Variants in ADGRG6 observed in about 807,000 individuals in gnomAD.
ADGRG6 encodes G-protein coupled receptor 126.
A neutral mutation model predicts 142.4 loss-of-function variants in ADGRG6; 84 were observed. The observed-to-expected ratio is 0.59, with a 90% CI of 0.49 to 0.71. The LOEUF (loss-of-function observed/expected upper bound fraction) is 0.71, where lower values mean the gene tolerates loss of function less well. Ranked by LOEUF, ADGRG6 falls within the 30% of genes least tolerant of loss-of-function variation. The pLI is 0.00. For synonymous variants in ADGRG6, 521 were observed against 520.5 expected (o/e 1.00, Z -0.01); for missense variants, 1,367 against 1,466.6 (o/e 0.93, Z 1.11).
chr6:142,327,072 A>T (rs554238801), intron 2 of ADGRG6, among the ~76,000 whole-genome samples: 6 of 152,180 alleles, frequency 3.9e-5, no homozygotes, highest in African/African-American at 1.4e-4. Flanking sequence ...CTAGTATTCC[A>T]TCTTGCTCCA....
intron 2 of ADGRG6, among the ~76,000 whole-genome samples, chr6:142,361,416 A>G (rs912578566): frequency 2.0e-5 from 3 of 152,128 alleles, no homozygotes; most frequent in African/African-American, 7.2e-5. Context: ...TCCTCCGGCC[A>G]AACAGAAAGG....
In ADGRG6 at chr6:142,416,031, C is replaced by T. The variant is rs753135960; in HGVS notation, c.2905C>T (p.Arg969Ter). 1.9e-6 allele frequency: 3 copies of T among 1,612,588 alleles called. No individual in the cohort carries two copies. Among genetic ancestry groups the T allele is most frequent in the South Asian group, 1.1e-5 (1 of 91,010 alleles). The change falls in exon 20 of 25, where the codon CGA becomes TGA. Residue 969 changes from arginine (R) to a stop codon, truncating the protein, a stop_gained. Transcript: ENST00000367609. LOFTEE classifies it high-confidence loss of function. ...TAAAGTATTTAACACTTACATTCGC[C>T]GATACATTCTAAAATTCTGCATCAT... is the stretch of plus-strand genomic sequence containing the variant. ...LVKVFNTYIR[R>*]YILKFCIIGW...
chr6:142,442,210 TAG>T (rs1395533923), intron 24 of ADGRG6, among the ~76,000 whole-genome samples: 1 of 152,192 alleles, frequency 6.6e-6, no homozygotes, highest in Non-Finnish European at 1.5e-5. Flanking sequence ...TTTTTCAGGA[TAG>T]AGTTTTTGCC....
At chr6:142,323,120 T>A (rs1476485391) in intron 2 of ADGRG6, among the ~76,000 whole-genome samples, 1 of 49,304 alleles carries the variant, frequency 2.0e-5, no homozygotes, top group Non-Finnish European at 3.1e-5. Flanking sequence ...ATGTCACTTA[T>A]TTTTTTTTTT....
At chr6:142,341,778 C>G (rs1021761116) in intron 2 of ADGRG6, among the ~76,000 whole-genome samples, 2 of 149,128 alleles carry the variant, frequency 1.3e-5, no homozygotes, top group Non-Finnish European at 3.0e-5. Context: ...TTTTACCTCT[C>G]CTTCTAAATT....
At chr6:142,346,863 TG>T (rs1279850074) in intron 2 of ADGRG6, among the ~76,000 whole-genome samples, 1 of 27,406 alleles carries the variant, frequency 3.6e-5, no homozygotes, top group East Asian at 1.1e-3. Flanking sequence ...CATCACACAC[TG>T]GGGCCTGTTG....
chr6:142,338,529 G>A (rs982934821), intron 2 of ADGRG6, among the ~76,000 whole-genome samples: 23 of 150,394 alleles, frequency 1.5e-4, no homozygotes, highest in African/African-American at 4.9e-4. Context: ...TTAAATTTGA[G>A]CAATATAGAT....
intron 2 of ADGRG6, among the ~76,000 whole-genome samples, chr6:142,313,184 A>C (rs1379687802): frequency 1.3e-5 from 2 of 152,096 alleles, no homozygotes; most frequent in Non-Finnish European, 2.9e-5. Flanking sequence ...TTTTTTAAAA[A>C]AAGCCACATA....
intron 2 of ADGRG6, among the ~76,000 whole-genome samples, chr6:142,355,063 C>G (rs1050610225): frequency 2.0e-5 from 3 of 152,142 alleles, no homozygotes; most frequent in Non-Finnish European, 4.4e-5. Flanking sequence ...TAACCAAAAA[C>G]CTGGGGTTTC....
intron 4 of ADGRG6, among the ~76,000 whole-genome samples, chr6:142,379,136 C>G (rs1430783631): frequency 2.0e-5 from 3 of 152,158 alleles, no homozygotes; most frequent in African/African-American, 4.8e-5. Flanking sequence ...TTTACCCTAC[C>G]CCACCTAAGT....
intron 1 of ADGRG6, among the ~76,000 whole-genome samples, chr6:142,308,912 C>T (rs1490743837): frequency 6.6e-6 from 1 of 151,634 alleles, no homozygotes; most frequent in Non-Finnish European, 1.5e-5. Flanking sequence ...TTCAAAGCAC[C>T]ACCTCTCCAT....
At chr6:142,334,559 A>G (rs1468100166) in intron 2 of ADGRG6, among the ~76,000 whole-genome samples, 1 of 152,168 alleles carries the variant, frequency 6.6e-6, no homozygotes, top group Non-Finnish European at 1.5e-5. Flanking sequence ...CTTTCTGACA[A>G]TAAGATGTGC....
At chr6:142,392,005 T>G (rs1774920940) in intron 7 of ADGRG6, among the ~76,000 whole-genome samples, 1 of 151,960 alleles carries the variant, frequency 6.6e-6, no homozygotes, top group Admixed American at 6.6e-5. Context: ...AGCTAAACTT[T>G]ACTAGACATT....
chr6:142,327,633 A>G (rs1005093997), intron 2 of ADGRG6, among the ~76,000 whole-genome samples: 10 of 152,070 alleles, frequency 6.6e-5, no homozygotes, highest in African/African-American at 2.4e-4. Context: ...CAAGAGTATT[A>G]TGTAACCAAT....
chr6:142,355,952 A>T (rs1438183804), intron 2 of ADGRG6, among the ~76,000 whole-genome samples: 4 of 152,214 alleles, frequency 2.6e-5, no homozygotes, highest in Non-Finnish European at 4.4e-5. Context: ...ATTGATGTGG[A>T]GGCCCCCTGG....
At chr6:142,407,258 G>A (rs886587858) in intron 15 of ADGRG6, among the ~76,000 whole-genome samples, 2 of 151,098 alleles carry the variant, frequency 1.3e-5, no homozygotes, top group Non-Finnish European at 1.5e-5. Context: ...GTTCTGTGGT[G>A]CTCCCCTATC....
intron 4 of ADGRG6, among the ~76,000 whole-genome samples, chr6:142,379,727 A>G (rs916107572): frequency 4.6e-5 from 7 of 152,188 alleles, no homozygotes; most frequent in Non-Finnish European, 7.4e-5. Flanking sequence ...AGATCATGCC[A>G]CTGCACCCCA....
In ADGRG6 at chr6:142,442,643, G is replaced by A. The variant is rs1180669644; in HGVS notation, c.3575-694G>A. 1.3e-5 allele frequency among the ~76,000 whole-genome samples: 2 copies of A among 151,492 alleles called. 1 individual carries two copies. The highest frequency in any genetic ancestry group is 2.9e-5 in the Non-Finnish European group (2 of 67,858). On this transcript the variant is annotated intron_variant, in intron 24 of 24. Coordinates refer to ENST00000367609, the MANE Select transcript of ADGRG6 (RefSeq NM_198569.3). ...ATCATTTTCTATTAAAATATTTCTG[G>A]TAATAACTTTGATTGCTACAATTAA...
intron 16 of ADGRG6, among the ~76,000 whole-genome samples, chr6:142,408,813 T>C (rs1775941581): frequency 6.6e-6 from 1 of 152,106 alleles, no homozygotes; most frequent in African/African-American, 2.4e-5. Flanking sequence ...GAACAGGTTT[T>C]TCTCACTTTT....
Sources: allele counts gnomAD v4.1 joint callset (sites outside exome capture counted in the v4.1 genomes callset), GRCh38; gene constraint gnomAD v4.1.1; transcripts MANE v1.5; gene names NCBI Gene and HGNC (gene_info 2026-07-23, HGNC 2026-07-21).